The following NR1D1 variants were observed in gnomAD, a reference collection of about 807,000 sequenced individuals.
NR1D1 encodes nuclear receptor subfamily 1 group D member 1.
In NR1D1, 17 loss-of-function variants were observed where a neutral mutation model predicts 51.1. That is an observed-to-expected ratio of 0.33 (90% CI 0.23 to 0.50). NR1D1 has a LOEUF of 0.50. Ranked by LOEUF, NR1D1 falls within the 20% of genes least tolerant of loss-of-function variation. The pLI, the probability that NR1D1 is intolerant of heterozygous loss-of-function variation, is 0.98. For missense variants in NR1D1, 647 were observed against 830.4 expected, an observed-to-expected ratio of 0.78 and a Z score of 2.71; for synonymous variants, 341 against 333.4, an observed-to-expected ratio of 1.02 and a Z score of -0.25.
chr17:40,096,669 C>G, intron 3 of NR1D1, 22 bp downstream of exon 3: 1 of 1,614,100 alleles, frequency 6.2e-7, no homozygotes, highest in Non-Finnish European at 8.5e-7. Flanking sequence ...CTGCCCCTGC[C>G]CTTACCCCCA....
chr17:40,093,338 C>T lies in NR1D1; in HGVS notation c.1646-56G>A. 1 of 1,613,076 alleles carries T rather than the reference C, an allele frequency of 6.2e-7. No homozygotes were observed. The highest frequency in any genetic ancestry group is 8.5e-7 in the Non-Finnish European group (1 of 1,179,946). On this transcript the variant is annotated intron_variant, in intron 7 of 7. Coordinates refer to ENST00000246672, the MANE Select transcript of NR1D1 (RefSeq NM_021724.5). This position sits in a 1 kb window ranked among gnomAD's most constrained non-coding sequence, Gnocchi z 5.9. Reference sequence around the variant, plus strand: ...CTCCCCGAGCTCCTCTGAGGAGGAACCGGAGGTCTGCGAGGACCTGGCAGG... The same window carrying T: ...CTCCCCGAGCTCCTCTGAGGAGGAATCGGAGGTCTGCGAGGACCTGGCAGG...
Position 40,093,350 on chromosome 17 carries a change from GAGGA to G in NR1D1, c.1646-72_1646-69del. On this transcript the variant is annotated intron_variant, in intron 7 of 7. Transcript: ENST00000246672. The surrounding 1 kb of genome is among the most constrained non-coding windows in gnomAD (Gnocchi z 5.9). ...CTCTGAGGAGGAACCGGAGGTCTGC[GAGGA>G]CCTGGCAGGCAATGCAGCCTCTCCC... 1 of 1,612,616 alleles carries G rather than the reference GAGGA, an allele frequency of 6.2e-7. No individual in the cohort carries two copies. Among genetic ancestry groups the G allele is most frequent in the Non-Finnish European group, 8.5e-7 (1 of 1,179,724 alleles).
Position 40,096,739 on chromosome 17 carries a change from G to A in NR1D1, c.411C>T (p.Asp137=), listed in dbSNP as rs201103272. The A allele has an allele frequency of 2.0e-5, 32 of 1,614,068 alleles. No individual in the cohort carries two copies. Among genetic ancestry groups the A allele is most frequent in the Non-Finnish European group, 2.5e-5 (29 of 1,180,040 alleles). Residue 137 remains aspartate (D), a synonymous_variant, in exon 3 of 8, where the codon GAC becomes GAT. Coordinates refer to ENST00000246672, the MANE Select transcript of NR1D1 (RefSeq NM_021724.5). ...CACCGTAGTGGAAGCCCGAGGCAAC[G>A]TCCCCACACACTTTACACAGTAACA... ...GMVLLCKVCG[D]VASGFHYGVH... is the part of the protein sequence containing the mutation.
rs1372537262 is a variant in NR1D1, at chr17:40,094,941, G to C, written c.1428C>G (p.Thr476=). 7 of 1,613,758 alleles carry C rather than the reference G, an allele frequency of 4.3e-6. No homozygotes were observed. Among genetic ancestry groups the C allele is most frequent in the Non-Finnish European group, 5.9e-6 (7 of 1,179,954 alleles). Residue 476 remains threonine (T), a synonymous_variant, in exon 6 of 8, where the codon ACC becomes ACG. Transcript: ENST00000246672. ...AGCATAAACGGTCACTCACCTCAAA[G>C]GTGCCAGCCTTAAGCAGGGTGACTT... ...HDQVTLLKAG[T]FEVLMVRFAS...
At position 40,092,886 on chromosome 17, in the gene NR1D1, G is replaced by T; in HGVS notation, c.*197C>A. On this transcript the variant is annotated 3_prime_UTR_variant, in exon 8 of 8. Transcript: ENST00000246672. The stretch of plus-strand genomic sequence containing the variant: ...GAGACAGAGTGGTTTAAATAGGGGA[G>T]GAGGGGAAGTTCGGTGATGGGGGAG... The T allele has an allele frequency of 7.7e-7, 1 of 1,302,498 alleles. No individual in the cohort carries two copies. Among genetic ancestry groups the T allele is most frequent in the Non-Finnish European group, 1.0e-6 (1 of 963,180 alleles). 80.7% of individuals were successfully genotyped at this position (1,302,498 alleles called of 1,614,324 possible).
At chr17:40,096,201 C>T (rs934858500) in intron 4 of NR1D1, 114 bp from the exon 5 acceptor site, 1 of 1,448,458 alleles carries the variant, frequency 6.9e-7, no homozygotes, top group Non-Finnish European at 9.2e-7. Flanking sequence ...CACATCAAAA[C>T]TAAAACCAGC....
chr17:40,098,415 TG>T (rs1369323387), intron 1 of NR1D1, among the ~76,000 whole-genome samples: 1 of 152,104 alleles, frequency 6.6e-6, no homozygotes, highest in African/African-American at 2.4e-5. Context: ...TTGGTCAGGG[TG>T]AACCCAGCTC....
At position 40,096,461 on chromosome 17, in the gene NR1D1, CAG is replaced by C; in HGVS notation, c.584_585del (p.Ser195CysfsTer24). On this transcript the variant is annotated frameshift_variant, in exon 4 of 8. Coordinates refer to ENST00000246672, the MANE Select transcript of NR1D1 (RefSeq NM_021724.5). LOFTEE classifies it high-confidence loss of function. ...CQQCRFKKCL[S>X]VGMSRDAVRF... ...GCCTCACCGTCTCGAGACATGCCCA[CAG>C]AGAGACACTTCTTGAAGCGACATTG... The C allele has an allele frequency of 6.2e-7, 1 of 1,614,240 alleles. No individual in the cohort carries two copies. Among genetic ancestry groups the C allele is most frequent in the Non-Finnish European group, 8.5e-7 (1 of 1,180,048 alleles).
chr17:40,095,382 A>G, intron 5 of NR1D1, 62 bp downstream of exon 5: 2 of 1,504,820 alleles, frequency 1.3e-6, no homozygotes, highest in Non-Finnish European at 1.8e-6. Context: ...GCCCTACACT[A>G]AGTCCATTCT....
intron 6 of NR1D1, among the ~76,000 whole-genome samples, chr17:40,094,416 T>G (rs1987704401): frequency 6.6e-6 from 1 of 152,146 alleles, no homozygotes; most frequent in Non-Finnish European, 1.5e-5. Context: ...ATTATTTCAG[T>G]GTAATGGGTT....
At position 40,096,415 on chromosome 17, in the gene NR1D1, G is replaced by C. The variant is rs763346177; in HGVS notation, c.604+28C>G. The stretch of plus-strand genomic sequence containing the variant: ...ATTCAGAAACTTTGGGCGGAAGAAG[G>C]GGGGAGGATGTGGGGATGCTGCCTC... On this transcript the variant is annotated intron_variant, in intron 4 of 7. Transcript: ENST00000246672. 1.1e-5 allele frequency: 17 copies of C among 1,613,586 alleles called. No individual in the cohort carries two copies. The South Asian group carries it at 1.4e-4, about 14-fold the overall frequency.
rs749240897 is a variant in NR1D1 at position 40,093,262 on chromosome 17, A to C, written c.1666T>G (p.Ser556Ala). 2 of 1,613,692 alleles carry C rather than the reference A, an allele frequency of 1.2e-6. No individual in the cohort carries two copies. The highest frequency in any genetic ancestry group is 1.7e-6 in the Non-Finnish European group (2 of 1,180,018). The change falls in exon 8 of 8, where the codon TCC (serine) becomes GCC (alanine). Residue 556 changes from serine to alanine, a missense_variant. Physicochemically the swap from Ser to Ala is moderately conservative, Grantham distance 99. This residue lies in a region of NR1D1 where 155 missense variants were observed against 236.8 expected (regional missense o/e 0.65). Coordinates refer to ENST00000246672, the MANE Select transcript of NR1D1 (RefSeq NM_021724.5). This position sits in a 1 kb window ranked among gnomAD's most constrained non-coding sequence, Gnocchi z 5.9. ...TCCTGGAGCTGCTCCACCGAAGCGGAATTCTCCATGCCCGAGCGGTCTGTG... is the reference window on the plus strand; with the variant it reads ...TCCTGGAGCTGCTCCACCGAAGCGGCATTCTCCATGCCCGAGCGGTCTGTG... ...VSADRSGMENSASVEQLQETL... is the reference protein window; with the variant it reads ...VSADRSGMENAASVEQLQETL...
chr17:40,097,993 A>G (rs551032909), intron 1 of NR1D1, among the ~76,000 whole-genome samples: 1 of 152,330 alleles, frequency 6.6e-6, no homozygotes, highest in South Asian at 2.1e-4. Flanking sequence ...GCCTCTTAAG[A>G]GAGTGAGCCA....
intron 1 of NR1D1, 132 bp downstream of exon 1, chr17:40,099,932 A>C (rs4795424): frequency 0.27 from 195,476 of 728,526 alleles, 29,351 homozygotes; most frequent in East Asian, 0.51. Flanking sequence ...ACACTAAAGC[A>C]CCGCAGCACG....
In NR1D1 at chr17:40,095,104, A is replaced by G. The variant is rs201963597; in HGVS notation, c.1265T>C (p.Met422Thr). ...TCGCCCACTGCGTCCATGCGGGTAC[A>G]TGTTCATAGGACATGCCTGGGGGAG... ...KNVLLACPMN[M>T]YPHGRSGRTV... is the part of the protein sequence containing the mutation. The change falls in exon 6 of 8, where the codon ATG becomes ACG. Residue 422 changes from methionine to threonine, a missense_variant. By Grantham distance (81) the Met-to-Thr change is moderately conservative. Around this residue, in one of 7 missense-constraint regions of NR1D1, gnomAD observed 185 missense variants for 176.3 expected, o/e 1.05. Coordinates refer to ENST00000246672, the MANE Select transcript of NR1D1 (RefSeq NM_021724.5). The G allele has an allele frequency of 2.0e-5, 32 of 1,612,800 alleles. No homozygotes were observed. The highest frequency in any genetic ancestry group is 9.3e-5 in the African/African-American group (7 of 74,880).
rs200029714 is a variant in NR1D1 at position 40,095,077 on chromosome 17, G to A, written c.1292C>T (p.Thr431Met). The A allele has an allele frequency of 1.1e-5, 18 of 1,613,882 alleles. No individual in the cohort carries two copies. The highest frequency in any genetic ancestry group is 4.5e-5 in the East Asian group (2 of 44,904). ...GAAATCCTCCCAGATCTCCTGCACC[G>A]TTCGCCCACTGCGTCCATGCGGGTA... ...NMYPHGRSGR[T>M]VQEIWEDFSM... The change falls in exon 6 of 8, where the codon ACG becomes ATG. Residue 431 changes from threonine to methionine, a missense_variant. Coordinates refer to ENST00000246672, the MANE Select transcript of NR1D1 (RefSeq NM_021724.5).
intron 1 of NR1D1, among the ~76,000 whole-genome samples, chr17:40,098,071 C>T (rs1013322236): frequency 2.6e-5 from 4 of 152,212 alleles, no homozygotes; most frequent in Admixed American, 6.5e-5. Context: ...GAAGTACAAA[C>T]TGTCCAGCCT....
At position 40,095,636 on chromosome 17, in the gene NR1D1, G is replaced by A. The variant is rs767317166; in HGVS notation, c.1056C>T (p.Asn352=). 13 of 1,612,034 alleles carry A rather than the reference G, an allele frequency of 8.1e-6. No homozygotes were observed. The highest frequency in any genetic ancestry group is 5.3e-5 in the African/African-American group (4 of 74,892). ...CCTGGCGCAGACCATTTAGGGCCTC[G>A]TTATGACGCTGGGCAGCCAAGGTGT... The part of the protein sequence containing the change: ...DNNTLAAQRH[N]EALNGLRQAP... Residue 352 remains asparagine, a synonymous_variant, in exon 5 of 8, where the codon AAC becomes AAT. Transcript: ENST00000246672.
chr17:40,096,259 G>A (rs760324648), intron 4 of NR1D1, among the ~76,000 whole-genome samples, 172 bp from the exon 5 acceptor site: 1 of 152,214 alleles, frequency 6.6e-6, no homozygotes, highest in Non-Finnish European at 1.5e-5. Flanking sequence ...TTGCTGGTAG[G>A]AGGTGACCCG....
Sources: gnomAD v4.1 joint callset for allele counts (sites outside exome capture counted in the v4.1 genomes callset) on GRCh38, gnomAD v4.1.1 for gene constraint, gnomAD v4.1.1 regional missense constraint, Gnocchi (gnomAD v3.1) non-coding constraint, MANE v1.5 for transcripts, NCBI Gene and HGNC (gene_info 2026-07-23, HGNC 2026-07-21) for gene names.